The following ADGRE2 variants were observed in gnomAD, a reference collection of about 807,000 sequenced individuals.
The protein encoded by ADGRE2 is adhesion G protein-coupled receptor E2.
A neutral mutation model predicts 100.8 loss-of-function variants in ADGRE2; 83 were observed. That is an observed-to-expected ratio of 0.82 (90% CI 0.69 to 0.99). The LOEUF (loss-of-function observed/expected upper bound fraction) is 0.99, where lower values mean the gene tolerates loss of function less well. Among genes scored for constraint, ADGRE2 ranks in the 50% least tolerant of loss-of-function variants. The pLI, the probability that ADGRE2 is intolerant of heterozygous loss-of-function variation, is 0.00. For missense variants in ADGRE2, 814 were observed against 1,035.7 expected (o/e 0.79, Z 2.94); for synonymous variants, 355 against 413.0 (o/e 0.86, Z 1.70).
intron 4 of ADGRE2, 68 bp from the exon 5 acceptor site, chr19:14,772,565 C>A (rs2044251125): frequency 1.3e-6 from 2 of 1,573,388 alleles, no homozygotes; most frequent in Non-Finnish European, 1.7e-6. Context: ...AGACCCCCGT[C>A]CTGACTCCCC....
intron 18 of ADGRE2, 64 bp from the exon 19 acceptor site, chr19:14,743,848 C>G: frequency 6.6e-7 from 1 of 1,510,736 alleles, no homozygotes; most frequent in South Asian, 1.2e-5. Context: ...GCTATTTCAT[C>G]TGTGCCCATG....
downstream of ADGRE2, among the ~76,000 whole-genome samples, chr19:14,728,873 A>G (rs1004577910): frequency 6.6e-6 from 1 of 152,170 alleles, no homozygotes; most frequent in Non-Finnish European, 1.5e-5. Flanking sequence ...GGGGTTTTAT[A>G]TCCTTAACGC....
At chr19:14,764,303 C>T in intron 11 of ADGRE2, 130 bp downstream of exon 11, 1 of 774,226 alleles carries the variant, frequency 1.3e-6, no homozygotes, top group African/African-American at 1.7e-5. Context: ...TCTTTTTAAT[C>T]TCTTATTTTA....
chr19:14,748,168 T>G (rs1202315199), intron 16 of ADGRE2, among the ~76,000 whole-genome samples: 1 of 152,134 alleles, frequency 6.6e-6, no homozygotes, highest in Non-Finnish European at 1.5e-5. Flanking sequence ...GTCTGAAGTT[T>G]CCTTGTTTGT....
chr19:14,754,554 A>G (rs2043422909), intron 14 of ADGRE2, among the ~76,000 whole-genome samples: 1 of 152,128 alleles, frequency 6.6e-6, no homozygotes, highest in South Asian at 2.1e-4. Flanking sequence ...ATTCTGCGTG[A>G]GGAAATTTTT....
the ADGRE2 span, among the ~76,000 whole-genome samples, chr19:14,727,330 AG>A: frequency 1.3e-5 from 2 of 152,162 alleles, no homozygotes; most frequent in Admixed American, 1.3e-4. Flanking sequence ...GCCCGGCCCA[AG>A]AAAAGAGGTT....
Position 14,734,575 on chromosome 19 carries a change from C to G in ADGRE2, c.*1661G>C, listed in dbSNP as rs1320126158. 1 of 152,138 alleles carries G rather than the reference C, an allele frequency of 6.6e-6. No homozygotes were observed. The highest frequency in any genetic ancestry group is 1.5e-5 in the Non-Finnish European group (1 of 68,048). 9.4% of individuals were successfully genotyped at this position (152,138 alleles called of 1,614,324 possible). On this transcript the variant is annotated 3_prime_UTR_variant, in exon 21 of 21. Coordinates refer to ENST00000315576, the MANE Select transcript of ADGRE2 (RefSeq NM_013447.4). ...TGCTTTTGGAACTTAATATTATCAT[C>G]TATGTGAGATTTCATATATTTTTGT... is the stretch of plus-strand genomic sequence containing the variant.
At chr19:14,739,628 C>G (rs1348935728) in intron 20 of ADGRE2, among the ~76,000 whole-genome samples, 1 of 152,088 alleles carries the variant, frequency 6.6e-6, no homozygotes, top group East Asian at 1.9e-4. Flanking sequence ...AATGACCCCC[C>G]AAAGAGGTTC....
chr19:14,746,300 C>A lies in ADGRE2; in HGVS notation c.2115G>T (p.Val705=). ...GTCTGTTTTTCAAAATCCAGAGAGT[C>A]ACCAGAAAGAGAACTAAATTCACCT... ...IFSVNLVLFL[V]TLWILKNRLS... is the part of the protein sequence containing the mutation. The change falls in exon 18 of 21, where the codon GTG becomes GTT. Residue 705 remains valine (V), a synonymous_variant. Coordinates refer to ENST00000315576, the MANE Select transcript of ADGRE2 (RefSeq NM_013447.4). The A allele has an allele frequency of 6.2e-7, 1 of 1,607,826 alleles. No homozygotes were observed. The highest frequency in any genetic ancestry group is 8.5e-7 in the Non-Finnish European group (1 of 1,175,082).
At chr19:14,730,453 T>G (rs1414774872), downstream of ADGRE2, among the ~76,000 whole-genome samples, 2 of 147,380 alleles carry the variant, frequency 1.4e-5, no homozygotes, top group Non-Finnish European at 3.0e-5. Context: ...CCTTCCTCCC[T>G]TCCTCTCTTT....
downstream of ADGRE2, chr19:14,731,570 C>T (rs534170774): frequency 5.2e-6 from 1 of 191,092 alleles, no homozygotes; most frequent in African/African-American, 2.3e-5. Context: ...CAAACGTGTA[C>T]CCTAGCTCCT....
At chr19:14,776,954 A>C in intron 1 of ADGRE2, 27 bp from the exon 2 acceptor site, 1 of 1,403,624 alleles carries the variant, frequency 7.1e-7, no homozygotes, top group Non-Finnish European at 9.3e-7. Flanking sequence ...AAGCACAATA[A>C]AAACACAGAA....
chr19:14,762,978 T>C (rs914743942), intron 11 of ADGRE2, among the ~76,000 whole-genome samples: 1 of 152,168 alleles, frequency 6.6e-6, no homozygotes, highest in Non-Finnish European at 1.5e-5. Flanking sequence ...TTTAAAGTGG[T>C]GAACTTGATG....
chr19:14,767,474 C>T (rs1341403232), intron 5 of ADGRE2, among the ~76,000 whole-genome samples: 3 of 152,106 alleles, frequency 2.0e-5, no homozygotes, highest in Non-Finnish European at 2.9e-5. Flanking sequence ...CTCCTGACCT[C>T]GTGATCAGCC....
At position 14,740,504 on chromosome 19, in the gene ADGRE2, C is replaced by T. The variant is rs372935234; in HGVS notation, c.2463+2916G>A. Reference sequence around the variant, plus strand: ...GGCTTGGTGGCACATGCCTGTAATCCCAGCTACTTGGGAGGTGGAGGCAGG... The same window carrying T: ...GGCTTGGTGGCACATGCCTGTAATCTCAGCTACTTGGGAGGTGGAGGCAGG... On this transcript the variant is annotated intron_variant, in intron 20 of 20. Coordinates refer to ENST00000315576, the MANE Select transcript of ADGRE2 (RefSeq NM_013447.4). 4.9e-4 allele frequency among the ~76,000 whole-genome samples: 75 copies of T among 151,624 alleles called. No individual in the cohort carries two copies. The South Asian group carries it at 8.5e-3, about 17-fold the overall frequency.
Position 14,772,497 on chromosome 19 carries a change from T to A in ADGRE2, c.200A>T (p.Asp67Val), listed in dbSNP as rs201803353. Reference sequence around the variant, plus strand: ...CGACAGTGTTGCACACTCGTTGATGTCTGGAACACAACAGGACAGGAGGTC... The same window carrying A: ...CGACAGTGTTGCACACTCGTTGATGACTGGAACACAACAGGACAGGAGGTC... ...IITTPMETCD[D>V]INECATLSKV... Residue 67 changes from aspartate (D) to valine (V), a missense_variant and splice_region_variant, in exon 5 of 21, where the codon GAC (aspartate) becomes GTC (valine). By Grantham distance (152) the Asp-to-Val change is radical. Coordinates refer to ENST00000315576, the MANE Select transcript of ADGRE2 (RefSeq NM_013447.4). The A allele has an allele frequency of 6.8e-6, 11 of 1,613,812 alleles. No homozygotes were observed. In the African/African-American group the frequency reaches 1.3e-4, roughly 20 times the overall value.
intron 1 of ADGRE2, 126 bp downstream of exon 1, chr19:14,778,131 T>C (rs1189560399): frequency 6.6e-6 from 1 of 152,134 alleles, no homozygotes; most frequent in East Asian, 1.9e-4. Context: ...AGCGTTCCTA[T>C]TTCTCCACAC....
downstream of ADGRE2, among the ~76,000 whole-genome samples, chr19:14,730,485 T>C (rs1169907708): frequency 2.6e-5 from 4 of 151,720 alleles, no homozygotes; most frequent in African/African-American, 9.8e-5. Context: ...TTCTTTTTCT[T>C]TCTTTGCTTT....
rs765126243 is a variant in ADGRE2 at position 14,755,293 on chromosome 19, AAAT to A, written c.1417-169_1417-167del. Among the ~76,000 whole-genome samples, 63 of 120,468 alleles carry A rather than the reference AAAT, an allele frequency of 5.2e-4. 1 individual carries two copies. The highest frequency in any genetic ancestry group is 3.1e-3 in the South Asian group (9 of 2,942). 79.0% of individuals were successfully genotyped at this position (120,468 alleles called of 152,430 possible). On this transcript the variant is annotated intron_variant, in intron 13 of 20. Coordinates refer to ENST00000315576, the MANE Select transcript of ADGRE2 (RefSeq NM_013447.4). ...TACTAAAAAAAAAAAAAAAAAAAAA[AAAT>A]ACAAAAATTAGCTGGGCGTGGTAGC...
Sources: gnomAD v4.1 joint callset for allele counts (sites outside exome capture counted in the v4.1 genomes callset) on GRCh38, gnomAD v4.1.1 for gene constraint, MANE v1.5 for transcripts, NCBI Gene and HGNC (gene_info 2026-07-23, HGNC 2026-07-21) for gene names.